The following KIF18A variants were observed in gnomAD, a reference collection of about 807,000 sequenced individuals.
KIF18A encodes the protein kinesin family member 18A.
Under a neutral mutation model 103.3 loss-of-function variants are expected in KIF18A, and 67 were observed. The observed-to-expected ratio is 0.65, with a 90% CI of 0.53 to 0.79. The LOEUF (loss-of-function observed/expected upper bound fraction) is 0.79, where lower values mean the gene tolerates loss of function less well. KIF18A is among the 30% of genes least tolerant of loss of function. The pLI, the probability that KIF18A is intolerant of heterozygous loss-of-function variation, is 0.00. For synonymous variants in KIF18A, 367 were observed against 355.5 expected (o/e 1.03, Z -0.36); for missense variants, 1,032 against 1,062.5 (o/e 0.97, Z 0.40).
chr11:28,031,315 G>A lies in KIF18A; in HGVS notation c.2504+4072C>T, dbSNP rs1375654844. On this transcript the variant is annotated intron_variant, in intron 15 of 16. Transcript: ENST00000263181. Reference sequence around the variant, plus strand: ...CATCAATGATAGACTGGATTAAGAAGATGTGGCACATATACACCATGGAAG... The same window carrying A: ...CATCAATGATAGACTGGATTAAGAAAATGTGGCACATATACACCATGGAAG... 2.6e-5 allele frequency among the ~76,000 whole-genome samples: 4 copies of A among 152,012 alleles called. No individual in the cohort carries two copies. In the East Asian group the frequency reaches 7.7e-4, roughly 29 times the overall value.
intron 10 of KIF18A, among the ~76,000 whole-genome samples, chr11:28,073,695 CTGT>C (rs1213150073): frequency 6.6e-6 from 1 of 152,230 alleles, no homozygotes; most frequent in East Asian, 1.9e-4. Context: ...TCAATATCAG[CTGT>C]TTTTATTATT....
Position 28,022,249 on chromosome 11 carries a change from G to A in KIF18A, c.2615-967C>T, listed in dbSNP as rs2133479425. 1.3e-5 allele frequency among the ~76,000 whole-genome samples: 2 copies of A among 151,390 alleles called. 1 individual carries two copies. Among genetic ancestry groups the A allele is most frequent in the South Asian group, 4.2e-4 (2 of 4,806 alleles). On this transcript the variant is annotated intron_variant, in intron 16 of 16. Coordinates refer to ENST00000263181, the MANE Select transcript of KIF18A (RefSeq NM_031217.4). ...TCAGATAATAAGCATATTAGAAAAA[G>A]CCAAGTTCTATGATTTGAGTTTTTT...
rs113490698 is a variant in KIF18A at position 28,062,185 on chromosome 11, T to C, written c.1712+210A>G. On this transcript the variant is annotated intron_variant, in intron 12 of 16. Transcript: ENST00000263181. ...CATATATTAAGTAAAAGTAACATAC[T>C]TTTAAAGAAAAACACTTTCAAATTT... 6.6e-4 allele frequency among the ~76,000 whole-genome samples: 100 copies of C among 152,254 alleles called. 1 individual carries two copies. Among genetic ancestry groups the C allele is most frequent in the African/African-American group, 2.3e-3 (96 of 41,574 alleles).
At chr11:28,044,293 GC>G (rs1243067802) in intron 13 of KIF18A, among the ~76,000 whole-genome samples, 1 of 151,710 alleles carries the variant, frequency 6.6e-6, no homozygotes, top group Non-Finnish European at 1.5e-5. Context: ...TGGTAGCCAG[GC>G]CCATATACCC....
At chr11:28,076,707 A>C (rs1458946884) in intron 10 of KIF18A, 2 of 162,758 alleles carry the variant, frequency 1.2e-5, no homozygotes, top group African/African-American at 4.8e-5. Flanking sequence ...GCTGAGGCGG[A>C]TGGATCACCT....
intron 12 of KIF18A, among the ~76,000 whole-genome samples, chr11:28,061,243 T>C (rs1429809044): frequency 6.6e-6 from 1 of 152,214 alleles, no homozygotes; most frequent in Non-Finnish European, 1.5e-5. Flanking sequence ...TAATCTATTT[T>C]TATATAAGAA....
chr11:28,103,690 A>C (rs1313074066), intron 1 of KIF18A, among the ~76,000 whole-genome samples: 1 of 152,120 alleles, frequency 6.6e-6, no homozygotes, highest in African/African-American at 2.4e-5. Flanking sequence ...AACTATAAAA[A>C]ATGCTCACAG....
Position 28,067,817 on chromosome 11 carries a change from G to C in KIF18A, c.1590+1442C>G, listed in dbSNP as rs192620601. 2.4e-3 allele frequency among the ~76,000 whole-genome samples: 371 copies of C among 152,178 alleles called. 2 individuals are homozygous for C. Among genetic ancestry groups the C allele is most frequent in the East Asian group, 7.5e-3 (39 of 5,180 alleles). ...TGTTCTTTTAAACTATTAAGTATTT[G>C]GGTGAAAATTAGTTATTTCATAGCA... On this transcript the variant is annotated intron_variant, in intron 11 of 16. Coordinates refer to ENST00000263181, the MANE Select transcript of KIF18A (RefSeq NM_031217.4).
intron 12 of KIF18A, among the ~76,000 whole-genome samples, chr11:28,060,936 C>A (rs1298774742): frequency 6.6e-6 from 1 of 152,142 alleles, no homozygotes; most frequent in East Asian, 1.9e-4. Context: ...CTGTGTGATT[C>A]CACTGGAGGA....
intron 3 of KIF18A, among the ~76,000 whole-genome samples, chr11:28,094,137 A>G (rs1277410364): frequency 2.0e-5 from 3 of 152,170 alleles, no homozygotes. Context: ...TAAAAGACAA[A>G]AAATTACAGA....
chr11:28,097,561 G>A (rs1732427769), intron 2 of KIF18A, 62 bp downstream of exon 2: 1 of 1,054,158 alleles, frequency 9.5e-7, no homozygotes, highest in Non-Finnish European at 1.5e-6. Context: ...TCAAGTAGAT[G>A]TCCGTCCTAA....
intron 15 of KIF18A, among the ~76,000 whole-genome samples, chr11:28,029,416 C>T (rs1850365711): frequency 6.6e-6 from 1 of 152,056 alleles, no homozygotes; most frequent in Non-Finnish European, 1.5e-5. Context: ...TACACAGAAC[C>T]AAAGACAAAA....
chr11:28,051,340 C>T (rs1378733324), intron 13 of KIF18A, among the ~76,000 whole-genome samples: 1 of 151,654 alleles, frequency 6.6e-6, no homozygotes, highest in Non-Finnish European at 1.5e-5. Context: ...GACAGACAAA[C>T]AGGTGAAACA....
intron 2 of KIF18A, among the ~76,000 whole-genome samples, chr11:28,096,545 CT>C (rs1164266172): frequency 6.6e-6 from 1 of 152,070 alleles, no homozygotes; most frequent in East Asian, 1.9e-4. Flanking sequence ...AGAGAGTCTA[CT>C]TTTTTTCTTA....
At chr11:28,080,475 T>C (rs373917130) in intron 9 of KIF18A, among the ~76,000 whole-genome samples, 1 of 152,228 alleles carries the variant, frequency 6.6e-6, no homozygotes, top group African/African-American at 2.4e-5. Flanking sequence ...TGAAATATTG[T>C]AAACTTTTTC....
intron 13 of KIF18A, chr11:28,056,754 A>G (rs1189634813): frequency 1.2e-5 from 2 of 167,294 alleles, no homozygotes; most frequent in Admixed American, 1.3e-4. Flanking sequence ...TCTGACTTCA[A>G]CAGACTATTA....
At chr11:28,046,259 C>T (rs890739946) in intron 13 of KIF18A, among the ~76,000 whole-genome samples, 298 of 150,160 alleles carry the variant, frequency 2.0e-3, no homozygotes, top group Non-Finnish European at 3.6e-3. Flanking sequence ...ATGTTTATTG[C>T]GGCACTATTC....
chr11:28,089,712 T>A (rs769291572), intron 5 of KIF18A, among the ~76,000 whole-genome samples: 4 of 152,218 alleles, frequency 2.6e-5, no homozygotes, highest in Non-Finnish European at 4.4e-5. Context: ...CTACTTGTCA[T>A]TTTCAACTGC....
At chr11:28,048,158 C>T (rs1850663750) in intron 13 of KIF18A, among the ~76,000 whole-genome samples, 1 of 152,122 alleles carries the variant, frequency 6.6e-6, no homozygotes, top group African/African-American at 2.4e-5. Context: ...TACCCACTTA[C>T]AATGGTAGAC....
Sources: gnomAD v4.1 joint callset for allele counts (sites outside exome capture counted in the v4.1 genomes callset) on GRCh38, gnomAD v4.1.1 for gene constraint, MANE v1.5 for transcripts, NCBI Gene and HGNC (gene_info 2026-07-23, HGNC 2026-07-21) for gene names.